CSPP1: variants seen among roughly 807,000 people sequenced by gnomAD.
The protein encoded by CSPP1 is centrosome and spindle pole associated protein 1.
CSPP1 carries 126 observed loss-of-function variants against 164.4 expected under a neutral mutation model. The ratio of observed to expected loss-of-function variants is 0.77; its 90% confidence interval spans 0.66 to 0.89. The LOEUF is 0.89. CSPP1 is among the 40% of genes least tolerant of loss of function. The probability of loss-of-function intolerance (pLI) is 0.00; values close to 1 mark genes in which losing one functional copy is unlikely to be tolerated. For missense variants in CSPP1, 1,395 were observed against 1,449.8 expected, an observed-to-expected ratio of 0.96 and a Z score of 0.61; for synonymous variants, 472 against 476.7, an observed-to-expected ratio of 0.99 and a Z score of 0.13.
At chr8:67,167,593 G>GGGCGGA (rs1468430517) in intron 24 of CSPP1, among the ~76,000 whole-genome samples, 8 of 138,374 alleles carry the variant, frequency 5.8e-5, no homozygotes, top group Non-Finnish European at 8.1e-5. Context: ...GGCAGCTGCC[G>GGGCGGA]GGCGGAGGGG....
chr8:67,087,811 C>T (rs1384936071), intron 4 of CSPP1, among the ~76,000 whole-genome samples: 1 of 152,166 alleles, frequency 6.6e-6, no homozygotes, highest in African/African-American at 2.4e-5. Flanking sequence ...TCTTAAATAG[C>T]TTGTGAAGAG....
intron 15 of CSPP1, among the ~76,000 whole-genome samples, chr8:67,130,545 T>C (rs1226672153): frequency 6.6e-6 from 1 of 152,230 alleles, no homozygotes; most frequent in African/African-American, 2.4e-5. Flanking sequence ...ATCTTCCCTT[T>C]TAGCCACTCA....
chr8:67,071,956 T>G (rs1806881056), intron 1 of CSPP1, among the ~76,000 whole-genome samples: 1 of 152,160 alleles, frequency 6.6e-6, no homozygotes, highest in African/African-American at 2.4e-5. Flanking sequence ...AAAGGAAACA[T>G]AAAAGAAAAT....
At position 67,064,521 on chromosome 8, in the gene CSPP1, G is replaced by A; in HGVS notation, c.-28G>A. 6.2e-7 allele frequency: 1 copy of A among 1,611,990 alleles called. No individual in the cohort carries two copies. The highest frequency in any genetic ancestry group is 8.5e-7 in the Non-Finnish European group (1 of 1,179,386). ...AGTAAGAGTCAGCCAGCCGCGGATGGGGAGCGTGAGTGGCGAGGTGTGGCC... is the reference window on the plus strand; with the variant it reads ...AGTAAGAGTCAGCCAGCCGCGGATGAGGAGCGTGAGTGGCGAGGTGTGGCC... On this transcript the variant is annotated 5_prime_UTR_variant, in exon 1 of 31. Coordinates refer to ENST00000678616, the MANE Select transcript of CSPP1 (RefSeq NM_001382391.1).
At chr8:67,127,069 G>A (rs1820222773) in intron 15 of CSPP1, among the ~76,000 whole-genome samples, 1 of 151,866 alleles carries the variant, frequency 6.6e-6, no homozygotes, top group Non-Finnish European at 1.5e-5. Context: ...TGGATTTTAA[G>A]TTTATGATAG....
chr8:67,084,896 A>G (rs1336848985), intron 3 of CSPP1, among the ~76,000 whole-genome samples: 1 of 152,182 alleles, frequency 6.6e-6, no homozygotes, highest in African/African-American at 2.4e-5. Context: ...GTATTTTATT[A>G]TTGAAGGTTT....
At position 67,175,298 on chromosome 8, in the gene CSPP1, T is replaced by C. The variant is rs775097330; in HGVS notation, c.2971T>C (p.Ser991Pro). Residue 991 changes from serine to proline, a missense_variant and splice_region_variant, in exon 26 of 31, where the codon TCA becomes CCA. Physicochemically the swap from Ser to Pro is moderately conservative, Grantham distance 74 (BLOSUM62 -1). Coordinates refer to ENST00000678616, the MANE Select transcript of CSPP1 (RefSeq NM_001382391.1). Reference sequence around the variant, plus strand: ...ATATAACATATTTTTTATACCAGATTCAGAAACACGAGTTGATCTGAAATT... The same window carrying C: ...ATATAACATATTTTTTATACCAGATCCAGAAACACGAGTTGATCTGAAATT... ...HDFNELKDRD[S>P]ETRVDLKFMY... is the part of the protein sequence containing the mutation. 5 of 1,606,162 alleles carry C rather than the reference T, an allele frequency of 3.1e-6. No individual in the cohort carries two copies. The highest frequency in any genetic ancestry group is 3.4e-6 in the Non-Finnish European group (4 of 1,176,140).
At chr8:67,174,019 G>A (rs987932155) in intron 25 of CSPP1, 4 of 151,690 alleles carry the variant, frequency 2.6e-5, no homozygotes, top group Admixed American at 6.6e-5. Flanking sequence ...CTAATATGGC[G>A]TGTGTGTGTG....
chr8:67,071,592 C>T (rs986480913), intron 1 of CSPP1, among the ~76,000 whole-genome samples: 1 of 152,212 alleles, frequency 6.6e-6, no homozygotes, highest in African/African-American at 2.4e-5. Context: ...GCACATCTTA[C>T]TAGCTCCAAC....
chr8:67,179,849 CAT>C lies in CSPP1; in HGVS notation c.3157-13_3157-12del, dbSNP rs754738493. ...AAACTAATAAAAATAGTCATTGAAA[CAT>C]GTTTCTTTTAGCCCAGAGATGACAC... On this transcript the variant is annotated splice_polypyrimidine_tract_variant and intron_variant, in intron 27 of 30. Coordinates refer to ENST00000678616, the MANE Select transcript of CSPP1 (RefSeq NM_001382391.1). 14 of 1,563,880 alleles carry C rather than the reference CAT, an allele frequency of 9.0e-6. No homozygotes were observed. Among genetic ancestry groups the C allele is most frequent in the Non-Finnish European group, 1.2e-5 (14 of 1,139,976 alleles).
chr8:67,165,375 T>C lies in CSPP1; in HGVS notation c.2828+867T>C, dbSNP rs373822683. 2.2e-4 allele frequency among the ~76,000 whole-genome samples: 34 copies of C among 152,326 alleles called. 1 individual carries two copies. The East Asian group carries it at 2.3e-3, about 10-fold the overall frequency. On this transcript the variant is annotated intron_variant, in intron 24 of 30. Transcript: ENST00000678616. ...AACATCTTATATTACCATGGTATGT[T>C]TGTCACAACTCAGAGGCTGACATTA...
rs1826436171 is a variant in CSPP1 at position 67,155,147 on chromosome 8, G to A, written c.2241+1011G>A. Among the ~76,000 whole-genome samples, 4 of 152,282 alleles carry A rather than the reference G, an allele frequency of 2.6e-5. 1 individual carries two copies. In the South Asian group the frequency reaches 8.3e-4, roughly 32 times the overall value. ...TGGGGGTACCCTGGGCTGAGTCCTA[G>A]GGATGGAGCCTGAGATGAATGTGAG... On this transcript the variant is annotated intron_variant, in intron 19 of 30. Coordinates refer to ENST00000678616, the MANE Select transcript of CSPP1 (RefSeq NM_001382391.1).
chr8:67,090,653 A>G (rs1225700377), intron 4 of CSPP1, among the ~76,000 whole-genome samples: 3 of 152,152 alleles, frequency 2.0e-5, no homozygotes, highest in Non-Finnish European at 4.4e-5. Flanking sequence ...TTTGAATACA[A>G]CGCTATTGTA....
At chr8:67,113,101 C>T (rs1018303320) in intron 10 of CSPP1, among the ~76,000 whole-genome samples, 5 of 152,166 alleles carry the variant, frequency 3.3e-5, no homozygotes, top group East Asian at 1.9e-4. Flanking sequence ...AAAAATTAGC[C>T]GGGCGTGGTG....
intron 29 of CSPP1, among the ~76,000 whole-genome samples, chr8:67,192,183 T>G (rs1031921289): frequency 2.6e-5 from 4 of 151,792 alleles, no homozygotes; most frequent in Non-Finnish European, 5.9e-5. Context: ...CAAGGGATTC[T>G]CCTGCCTCAG....
Position 67,070,722 on chromosome 8 carries a change from AATATAT to A in CSPP1, c.-10-3506_-10-3501del, listed in dbSNP as rs150664487. Among the ~76,000 whole-genome samples the A allele has an allele frequency of 2.2e-4, 32 of 144,910 alleles. 1 individual carries two copies. In the East Asian group the frequency reaches 2.4e-3, roughly 11 times the overall value. On this transcript the variant is annotated intron_variant, in intron 1 of 30. Coordinates refer to ENST00000678616, the MANE Select transcript of CSPP1 (RefSeq NM_001382391.1). ...ATATTTTGCTAAAACTATATATGTA[AATATAT>A]ATATATATATATATTTCTATTTTTA...
At chr8:67,070,797 G>C (rs932213657) in intron 1 of CSPP1, among the ~76,000 whole-genome samples, 6 of 151,312 alleles carry the variant, frequency 4.0e-5, no homozygotes, top group Admixed American at 4.0e-4. Flanking sequence ...GCCCAGGCTG[G>C]AGTACAGTGG....
chr8:67,126,509 G>A (rs750585934), intron 15 of CSPP1, among the ~76,000 whole-genome samples: 4 of 152,076 alleles, frequency 2.6e-5, no homozygotes, highest in Non-Finnish European at 5.9e-5. Context: ...TAAAAGCTTT[G>A]ACCCAATAAA....
At position 67,064,437 on chromosome 8, in the gene CSPP1, G is replaced by C. The variant is rs753468929; in HGVS notation, c.-112G>C. ...TCCAGGTGGCCGCTGTAACCTCTTC[G>C]GTCCGCGACGATCCTCTAGAGCACT... On this transcript the variant is annotated 5_prime_UTR_variant, in exon 1 of 31. Transcript: ENST00000678616. The C allele has an allele frequency of 2.0e-5, 32 of 1,613,914 alleles. No individual in the cohort carries two copies. Among genetic ancestry groups the C allele is most frequent in the Middle Eastern group, 3.3e-4 (2 of 6,058 alleles).
Sources: allele counts gnomAD v4.1 joint callset (sites outside exome capture counted in the v4.1 genomes callset), GRCh38; gene constraint gnomAD v4.1.1; transcripts MANE v1.5; gene names NCBI Gene and HGNC (gene_info 2026-07-23, HGNC 2026-07-21).